Variants in FRMD5 observed in about 807,000 individuals in gnomAD.
FRMD5 encodes the protein FERM domain containing 5.
Under a neutral mutation model 69.0 loss-of-function variants are expected in FRMD5, and 20 were observed. That is an observed-to-expected ratio of 0.29 (90% CI 0.20 to 0.42). The LOEUF (loss-of-function observed/expected upper bound fraction) is 0.42, where lower values mean the gene tolerates loss of function less well. FRMD5 is among the 10% of genes least tolerant of loss of function. The pLI, the probability that FRMD5 is intolerant of heterozygous loss-of-function variation, is 1.00. For synonymous variants in FRMD5, 271 were observed against 260.1 expected, an observed-to-expected ratio of 1.04 and a Z score of -0.40; for missense variants, 595 against 708.6, an observed-to-expected ratio of 0.84 and a Z score of 1.82.
chr15:44,094,170 A>G (rs182774137), intron 1 of FRMD5, among the ~76,000 whole-genome samples: 61 of 152,326 alleles, frequency 4.0e-4, no homozygotes, highest in Non-Finnish European at 7.6e-4. Flanking sequence ...CAGTGTCTTC[A>G]TGAGTTACTC....
intron 1 of FRMD5, among the ~76,000 whole-genome samples, chr15:43,975,958 T>C (rs2090455616): frequency 6.6e-6 from 1 of 151,408 alleles, no homozygotes; most frequent in South Asian, 2.1e-4. Context: ...AGCCTATAAA[T>C]AGACCCACAC....
chr15:43,878,932 CTTTTTTTTTTTTTT>C (rs71421808), intron 13 of FRMD5, among the ~76,000 whole-genome samples: 2 of 112,904 alleles, frequency 1.8e-5, no homozygotes, highest in African/African-American at 7.4e-5. Context: ...TTTTTCTTTT[CTTTTTTTTTTTTTT>C]TTTTGAGATG....
intron 5 of FRMD5, among the ~76,000 whole-genome samples, chr15:43,909,403 A>C (rs2089242729): frequency 6.6e-6 from 1 of 151,672 alleles, no homozygotes; most frequent in East Asian, 1.9e-4. Context: ...CCATCTCAAA[A>C]AAAACAAAAC....
intron 1 of FRMD5, among the ~76,000 whole-genome samples, chr15:44,133,846 G>T (rs141435060): frequency 6.6e-6 from 1 of 152,068 alleles, no homozygotes; most frequent in East Asian, 1.9e-4. Context: ...AAGTTTAAGA[G>T]TTTTAAAGTT....
Position 44,036,474 on chromosome 15 carries a change from T to C in FRMD5, c.103-112165A>G, listed in dbSNP as rs181110033. ...CCGGCAGCTGGGCCCTTGCAGCCGATTGGGCTCAAATTCTCATACTGCTAT... is the reference window on the plus strand; with the variant it reads ...CCGGCAGCTGGGCCCTTGCAGCCGACTGGGCTCAAATTCTCATACTGCTAT... On this transcript the variant is annotated intron_variant, in intron 1 of 13. Coordinates refer to ENST00000417257, the MANE Select transcript of FRMD5 (RefSeq NM_032892.5). Among the ~76,000 whole-genome samples, 47 of 152,318 alleles carry C rather than the reference T, an allele frequency of 3.1e-4. No homozygotes were observed. In the East Asian group the frequency reaches 6.8e-3, roughly 22 times the overall value.
At chr15:43,918,106 C>A (rs2089426331) in intron 4 of FRMD5, among the ~76,000 whole-genome samples, 1 of 152,176 alleles carries the variant, frequency 6.6e-6, no homozygotes, top group African/African-American at 2.4e-5. Flanking sequence ...CTCCTTTCAC[C>A]TGGCATGCTC....
intron 7 of FRMD5, among the ~76,000 whole-genome samples, chr15:43,899,050 G>A (rs2088982882): frequency 6.6e-6 from 1 of 152,158 alleles, no homozygotes; most frequent in African/African-American, 2.4e-5. Context: ...TTCCTCTTCT[G>A]TCCTCCCTAG....
intron 4 of FRMD5, among the ~76,000 whole-genome samples, chr15:43,913,045 AAAAAG>A (rs1220683033): frequency 5.3e-5 from 8 of 151,726 alleles, no homozygotes; most frequent in East Asian, 1.9e-4. Flanking sequence ...AAAAAAAAAA[AAAAAG>A]AAAAGAAAAG....
At chr15:44,076,220 C>T (rs1893758368) in intron 1 of FRMD5, among the ~76,000 whole-genome samples, 1 of 151,938 alleles carries the variant, frequency 6.6e-6, no homozygotes, top group Non-Finnish European at 1.5e-5. Flanking sequence ...TGTGGCAATT[C>T]CTCAGGGATC....
At chr15:44,153,196 A>C (rs1415248739) in intron 1 of FRMD5, among the ~76,000 whole-genome samples, 3 of 152,344 alleles carry the variant, frequency 2.0e-5, no homozygotes, top group South Asian at 2.1e-4. Flanking sequence ...ATGGTCCAGC[A>C]ATTCTATCTC....
At chr15:44,054,637 T>C (rs765900514) in intron 1 of FRMD5, among the ~76,000 whole-genome samples, 2 of 152,204 alleles carry the variant, frequency 1.3e-5, no homozygotes, top group Non-Finnish European at 2.9e-5. Flanking sequence ...GGAGAATATA[T>C]TAATAATCCT....
At chr15:44,178,312 G>A (rs2077936719) in intron 1 of FRMD5, among the ~76,000 whole-genome samples, 1 of 151,890 alleles carries the variant, frequency 6.6e-6, no homozygotes, top group African/African-American at 2.4e-5. Flanking sequence ...GTTACAGGGT[G>A]ATACTCCATC....
intron 1 of FRMD5, among the ~76,000 whole-genome samples, chr15:44,020,691 T>C (rs2140250109): frequency 6.6e-6 from 1 of 152,358 alleles, no homozygotes; most frequent in East Asian, 1.9e-4. Context: ...TTTTGTGCTA[T>C]TCACAAGTAA....
chr15:43,879,997 C>T (rs2088479417), intron 13 of FRMD5, among the ~76,000 whole-genome samples: 1 of 152,184 alleles, frequency 6.6e-6, no homozygotes, highest in Non-Finnish European at 1.5e-5. Flanking sequence ...TCCCTGAGGC[C>T]TGGATAAGGG....
chr15:44,120,437 A>T (rs2555380), intron 1 of FRMD5, among the ~76,000 whole-genome samples: 137,307 of 151,884 alleles, frequency 0.9, 62,560 homozygotes, highest in East Asian at 1. Context: ...ATAGGTGGGA[A>T]AGAAGAAGAA....
intron 1 of FRMD5, among the ~76,000 whole-genome samples, chr15:43,972,445 C>T (rs1464352377): frequency 6.6e-6 from 1 of 152,040 alleles, no homozygotes; most frequent in Non-Finnish European, 1.5e-5. Flanking sequence ...TAAGATGTGG[C>T]AGGGGGTTAG....
At chr15:44,137,073 T>C (rs1405630284) in intron 1 of FRMD5, among the ~76,000 whole-genome samples, 1 of 152,152 alleles carries the variant, frequency 6.6e-6, no homozygotes, top group Non-Finnish European at 1.5e-5. Context: ...GCTAATAAAA[T>C]AAATGTAAGA....
intron 1 of FRMD5, among the ~76,000 whole-genome samples, chr15:43,958,942 G>A (rs2090155867): frequency 1.3e-5 from 2 of 152,074 alleles, no homozygotes; most frequent in South Asian, 4.1e-4. Flanking sequence ...GGCCATTTGT[G>A]TCATTCCAGC....
chr15:43,967,133 T>A (rs2090307062), intron 1 of FRMD5, among the ~76,000 whole-genome samples: 1 of 151,950 alleles, frequency 6.6e-6, no homozygotes, highest in African/African-American at 2.4e-5. Context: ...TAAAAATTAT[T>A]TGGATTTACA....
Sources: allele counts gnomAD v4.1 joint callset (sites outside exome capture counted in the v4.1 genomes callset), GRCh38; gene constraint gnomAD v4.1.1; transcripts MANE v1.5; gene names NCBI Gene and HGNC (gene_info 2026-07-23, HGNC 2026-07-21).